Variants in RIPOR3 observed in about 807,000 individuals in gnomAD.
RIPOR3 encodes family with sequence similarity 65 member C.
A neutral mutation model predicts 114.3 loss-of-function variants in RIPOR3; 95 were observed. The observed-to-expected ratio is 0.83, with a 90% CI of 0.70 to 0.99. RIPOR3 has a LOEUF of 0.99. RIPOR3 is among the 50% of genes least tolerant of loss of function. The probability of loss-of-function intolerance (pLI) is 0.00; values close to 1 mark genes in which losing one functional copy is unlikely to be tolerated. For synonymous variants in RIPOR3, 575 were observed against 543.8 expected (o/e 1.06, Z -0.80); for missense variants, 1,252 against 1,266.9 (o/e 0.99, Z 0.18).
chr20:50,592,389 G>C lies in RIPOR3; in HGVS notation c.2532C>G (p.Ser844Arg). 1 of 1,605,640 alleles carries C rather than the reference G, an allele frequency of 6.2e-7. No individual in the cohort carries two copies. Among genetic ancestry groups the C allele is most frequent in the Non-Finnish European group, 8.5e-7 (1 of 1,174,120 alleles). The change falls in exon 19 of 22, where the codon AGC (serine) becomes AGG (arginine). Residue 844 changes from serine to arginine, a missense_variant. Coordinates refer to ENST00000327979, the MANE Select transcript of RIPOR3 (RefSeq NM_001290268.2). ...DGTPRVCRAASARLAGAVRNR... is the reference protein window; with the variant it reads ...DGTPRVCRAARARLAGAVRNR... ...TCCTGACTGCACCAGCCAGGCGAGC[G>C]CTGGCCGCCCTGCACACCCTCGGAG...
Position 50,604,635 on chromosome 20 carries a change from G to T in RIPOR3, c.1086+10C>A. Reference sequence around the variant, plus strand: ...ACCACAGCGGCCCTGCCCCGGGAAGGCTCACTCACCAGGTAGTATCTCTCC... The same window carrying T: ...ACCACAGCGGCCCTGCCCCGGGAAGTCTCACTCACCAGGTAGTATCTCTCC... On this transcript the variant is annotated intron_variant, in intron 12 of 21. Coordinates refer to ENST00000327979, the MANE Select transcript of RIPOR3 (RefSeq NM_001290268.2). The T allele has an allele frequency of 6.2e-7, 1 of 1,602,906 alleles. No individual in the cohort carries two copies.
chr20:50,611,032 G>C (rs1162133228), intron 5 of RIPOR3, 126 bp from the exon 6 acceptor site: 1 of 637,268 alleles, frequency 1.6e-6, no homozygotes, highest in Non-Finnish European at 2.4e-6. Context: ...CCTGAGGAAG[G>C]CTCATCGCAG....
rs777226078 is a variant in RIPOR3 at position 50,610,899 on chromosome 20, C to T, written c.380G>A (p.Arg127His). 1.9e-5 allele frequency: 30 copies of T among 1,614,214 alleles called. No individual in the cohort carries two copies. The highest frequency in any genetic ancestry group is 6.7e-5 in the Admixed American group (4 of 60,028). ...AFYYDLDKQT[R>H]CVERHIRKME... ...CTTCCGAATGTGCCTTTCCACACAGCGCGTTTGCTTCTCCCGGAAAAAGGG... is the reference window on the plus strand; with the variant it reads ...CTTCCGAATGTGCCTTTCCACACAGTGCGTTTGCTTCTCCCGGAAAAAGGG... The change falls in exon 6 of 22, where the codon CGC (arginine) becomes CAC (histidine). Residue 127 changes from arginine (R) to histidine (H), a missense_variant. Coordinates refer to ENST00000327979, the MANE Select transcript of RIPOR3 (RefSeq NM_001290268.2).
chr20:50,659,377 T>C (rs970688181), intron 1 of RIPOR3, among the ~76,000 whole-genome samples: 8 of 152,100 alleles, frequency 5.3e-5, no homozygotes, highest in Non-Finnish European at 1.0e-4. Flanking sequence ...CCGGGTGCGG[T>C]GGCTCACAAC....
intron 2 of RIPOR3, among the ~76,000 whole-genome samples, chr20:50,623,195 GGTTGCA>G (rs1484638181): frequency 1.3e-5 from 2 of 151,104 alleles, no homozygotes; most frequent in African/African-American, 2.4e-5. Flanking sequence ...GGGAGGCAGA[GGTTGCA>G]GTGAGCCGAG....
rs763792702 is a variant in RIPOR3 at position 50,587,320 on chromosome 20, C to T, written c.2765G>A (p.Arg922Gln). The change falls in exon 22 of 22, where the codon CGG becomes CAG. Residue 922 changes from arginine to glutamine, a missense_variant. Physicochemically the swap from Arg to Gln is conservative, Grantham distance 43. Transcript: ENST00000327979. ...CTTGTCCATCTTCTCAAAAGCTAACCGTCCTTTTTCACCTGAAATAGCAAA... is the reference window on the plus strand; with the variant it reads ...CTTGTCCATCTTCTCAAAAGCTAACTGTCCTTTTTCACCTGAAATAGCAAA... ...ETTLSFGEKG[R>Q]LAFEKMDKLC... 11 of 1,614,018 alleles carry T rather than the reference C, an allele frequency of 6.8e-6. No homozygotes were observed. Among genetic ancestry groups the T allele is most frequent in the South Asian group, 3.3e-5 (3 of 91,086 alleles).
intron 1 of RIPOR3, among the ~76,000 whole-genome samples, chr20:50,680,416 C>T (rs1045809842): frequency 6.6e-6 from 1 of 152,178 alleles, no homozygotes; most frequent in Non-Finnish European, 1.5e-5. Context: ...ATCAACAGAA[C>T]TCAAGTCTGG....
intron 19 of RIPOR3, among the ~76,000 whole-genome samples, chr20:50,590,626 G>T (rs931210821): frequency 6.6e-6 from 1 of 152,160 alleles, no homozygotes; most frequent in Admixed American, 6.5e-5. Flanking sequence ...CAGGGCTCTG[G>T]TGAAGGCTGT....
chr20:50,663,685 T>C lies in RIPOR3; in HGVS notation c.3+27441A>G, dbSNP rs558434805. Among the ~76,000 whole-genome samples the C allele has an allele frequency of 3.3e-5, 5 of 152,208 alleles. No homozygotes were observed. The East Asian group carries it at 7.7e-4, about 24-fold the overall frequency. On this transcript the variant is annotated intron_variant, in intron 1 of 21. Transcript: ENST00000327979. ...TCTGCCACCTATTTTCTCCCCTTCA[T>C]TGGGCAAGACTGAGCTGGCAGAATA...
At chr20:50,687,028 T>A (rs1018978183) in intron 1 of RIPOR3, among the ~76,000 whole-genome samples, 2 of 152,204 alleles carry the variant, frequency 1.3e-5, no homozygotes, top group African/African-American at 4.8e-5. Context: ...TCCTATAGGT[T>A]TGGCTTAGCC....
At chr20:50,609,513 C>T in intron 7 of RIPOR3, 60 bp downstream of exon 7, 3 of 1,440,778 alleles carry the variant, frequency 2.1e-6, no homozygotes, top group Non-Finnish European at 2.7e-6. Context: ...TCTCGATGTC[C>T]CCACTGCCCG....
chr20:50,647,371 T>C (rs541327864), intron 1 of RIPOR3, among the ~76,000 whole-genome samples: 3 of 152,248 alleles, frequency 2.0e-5, no homozygotes, highest in Non-Finnish European at 4.4e-5. Flanking sequence ...TTGGGACTCT[T>C]TGCAGACATG....
chr20:50,631,689 G>A (rs2084826808), intron 1 of RIPOR3, among the ~76,000 whole-genome samples: 3 of 152,136 alleles, frequency 2.0e-5, no homozygotes, highest in Admixed American at 1.3e-4. Flanking sequence ...CTTCCACCCC[G>A]ATCCATTGCC....
At chr20:50,670,185 A>T (rs1260654584) in intron 1 of RIPOR3, among the ~76,000 whole-genome samples, 9 of 149,074 alleles carry the variant, frequency 6.0e-5, no homozygotes, top group Non-Finnish European at 8.9e-5. Context: ...AAAAAAGAAG[A>T]GGGCGCTCTG....
chr20:50,628,517 A>AGG (rs2123231143), intron 2 of RIPOR3, among the ~76,000 whole-genome samples: 1 of 151,620 alleles, frequency 6.6e-6, no homozygotes, highest in South Asian at 2.1e-4. Flanking sequence ...CCATCTGCAC[A>AGG]CGCGCAGATC....
rs150232630 is a variant in RIPOR3, at chr20:50,664,178, C to T, written c.3+26948G>A. ...CTGGCTTCAGGTGATCCACCTGCCT[C>T]GACCTCCCAAAGTGCTGGCACTATA... is the stretch of plus-strand genomic sequence containing the variant. On this transcript the variant is annotated intron_variant, in intron 1 of 21. Coordinates refer to ENST00000327979, the MANE Select transcript of RIPOR3 (RefSeq NM_001290268.2). Among the ~76,000 whole-genome samples the T allele has an allele frequency of 4.8e-3, 735 of 152,312 alleles. 5 individuals are homozygous for T. The highest frequency in any genetic ancestry group is 0.017 in the African/African-American group (706 of 41,570).
chr20:50,666,223 T>TTTTCTTTTCTTTTCTTTTC lies in RIPOR3; in HGVS notation c.3+24902_3+24903insGAAAAGAAAAGAAAAGAAA, dbSNP rs1555873441. ...TTTTCTTTTCTTTTCTTTTCTTTTC[T>TTTTCTTTTCTTTTCTTTTC]TTTTTGAGACGGAGTCACGCTCTGT... On this transcript the variant is annotated intron_variant, in intron 1 of 21. Transcript: ENST00000327979. 3.4e-4 allele frequency among the ~76,000 whole-genome samples: 36 copies of TTTTCTTTTCTTTTCTTTTC among 105,012 alleles called. 3 individuals are homozygous for TTTTCTTTTCTTTTCTTTTC. The highest frequency in any genetic ancestry group is 6.4e-4 in the African/African-American group (17 of 26,672). 68.9% of individuals were successfully genotyped at this position (105,012 alleles called of 152,430 possible). A position where few individuals can be genotyped will look rare whatever the true frequency, so the allele number is the denominator to read the frequency against.
chr20:50,615,108 A>AGAGTGTGTGT lies in RIPOR3; in HGVS notation c.348+893_348+894insACACACACTC, dbSNP rs74175509. Reference sequence around the variant, plus strand: ...AATTTAATGGGGCATGCTATTTGTGAGTGTGTGTGTGTGTGTGTGTGTGTG... The same window carrying AGAGTGTGTGT: ...AATTTAATGGGGCATGCTATTTGTGAGAGTGTGTGTGTGTGTGTGTGTGTGTGTGTGTGTG... On this transcript the variant is annotated intron_variant, in intron 4 of 21. Coordinates refer to ENST00000327979, the MANE Select transcript of RIPOR3 (RefSeq NM_001290268.2). Among the ~76,000 whole-genome samples, 30 of 138,512 alleles carry AGAGTGTGTGT rather than the reference A, an allele frequency of 2.2e-4. No individual in the cohort carries two copies. The East Asian group carries it at 5.5e-3, about 25-fold the overall frequency. 90.9% of individuals were successfully genotyped at this position (138,512 alleles called of 152,430 possible).
chr20:50,619,729 T>C (rs568496178), intron 3 of RIPOR3, among the ~76,000 whole-genome samples: 164 of 152,356 alleles, frequency 1.1e-3, no homozygotes, highest in Non-Finnish European at 1.8e-3. Flanking sequence ...ATTGATTGCA[T>C]TGAATCTGCC....
Sources: allele counts gnomAD v4.1 joint callset (sites outside exome capture counted in the v4.1 genomes callset), GRCh38; gene constraint gnomAD v4.1.1; transcripts MANE v1.5; gene names NCBI Gene and HGNC (gene_info 2026-07-23, HGNC 2026-07-21).